The following NREP variants were observed in gnomAD, a reference collection of about 807,000 sequenced individuals.
NREP encodes the protein neuronal regeneration-related protein.
A neutral mutation model predicts 8.6 loss-of-function variants in NREP; 5 were observed. The observed-to-expected ratio is 0.58, with a 90% CI of 0.30 to 1.22. The LOEUF (loss-of-function observed/expected upper bound fraction) is 1.22. NREP is among the 50% of genes most tolerant of loss of function. NREP has a pLI of 0.07. For missense variants in NREP, 86 were observed against 82.5 expected, an observed-to-expected ratio of 1.04 and a Z score of -0.17; for synonymous variants, 27 against 28.0, an observed-to-expected ratio of 0.96 and a Z score of 0.11.
chr5:111,798,049 G>A (rs1002229634), intron 2 of NREP, among the ~76,000 whole-genome samples: 3 of 152,160 alleles, frequency 2.0e-5, no homozygotes, highest in Non-Finnish European at 4.4e-5. Flanking sequence ...TACTGGGAAT[G>A]AATTAGATAG....
chr5:111,798,421 A>G lies in NREP; in HGVS notation c.136-62914T>C, dbSNP rs566526526. On this transcript the variant is annotated intron_variant, in intron 2 of 3. Transcript: ENST00000395634. ...TGGGGAACAGGTGGTATTTGGTTAC[A>G]TAAGTTCTTTAGTGGTGATCTCTGA... 4.3e-4 allele frequency among the ~76,000 whole-genome samples: 65 copies of G among 151,998 alleles called. 1 individual carries two copies. Among genetic ancestry groups the G allele is most frequent in the Non-Finnish European group, 5.7e-4 (39 of 68,014 alleles).
chr5:111,932,877 C>T (rs575558384), intron 2 of NREP, among the ~76,000 whole-genome samples: 5 of 151,970 alleles, frequency 3.3e-5, no homozygotes, highest in African/African-American at 1.2e-4. Context: ...GTGAGTGAAG[C>T]CCCACACTCC....
At chr5:111,900,409 A>C (rs994977552) in intron 2 of NREP, among the ~76,000 whole-genome samples, 2 of 152,040 alleles carry the variant, frequency 1.3e-5, no homozygotes, top group African/African-American at 4.8e-5. Context: ...GAAGAGAAAT[A>C]ATAAAGATCA....
At chr5:111,912,641 A>C (rs1440259573) in intron 2 of NREP, 4 of 152,170 alleles carry the variant, frequency 2.6e-5, no homozygotes, top group Admixed American at 2.0e-4. Flanking sequence ...TTCCATTCTT[A>C]TTAGGCTAAT....
At chr5:111,895,620 G>T (rs1754491716) in intron 2 of NREP, among the ~76,000 whole-genome samples, 2 of 152,010 alleles carry the variant, frequency 1.3e-5, no homozygotes, top group South Asian at 4.2e-4. Flanking sequence ...ACCTTAACTT[G>T]GGTTACTACC....
chr5:111,761,809 G>T (rs527336772), upstream of NREP, among the ~76,000 whole-genome samples: 1 of 152,166 alleles, frequency 6.6e-6, no homozygotes, highest in South Asian at 2.1e-4. Context: ...TCTGATAATG[G>T]GCTAATAAGC....
chr5:111,782,501 C>T (rs1366318021), intron 2 of NREP, among the ~76,000 whole-genome samples: 1 of 152,170 alleles, frequency 6.6e-6, no homozygotes, highest in Non-Finnish European at 1.5e-5. Context: ...TCAAATTAGA[C>T]TCTTACATTT....
At chr5:111,807,497 T>C (rs1405168075) in intron 2 of NREP, among the ~76,000 whole-genome samples, 1 of 152,180 alleles carries the variant, frequency 6.6e-6, no homozygotes, top group Non-Finnish European at 1.5e-5. Context: ...TATATTCTAT[T>C]TTTAAAATTT....
At chr5:111,963,058 C>G (rs1178700053) in intron 2 of NREP, among the ~76,000 whole-genome samples, 1 of 152,260 alleles carries the variant, frequency 6.6e-6, no homozygotes, top group South Asian at 2.1e-4. Flanking sequence ...TGGTGGAGGG[C>G]AGCCGCCCTG....
intron 2 of NREP, among the ~76,000 whole-genome samples, chr5:111,883,934 A>G (rs1754163353): frequency 6.6e-6 from 1 of 152,164 alleles, no homozygotes; most frequent in Admixed American, 6.5e-5. Flanking sequence ...AAGAGCAAAC[A>G]CATTCAAAAG....
intron 2 of NREP, among the ~76,000 whole-genome samples, chr5:111,822,944 A>C (rs1752543715): frequency 6.6e-6 from 1 of 152,222 alleles, no homozygotes; most frequent in Admixed American, 6.5e-5. Context: ...GTTTTAGTCC[A>C]TTTATGTTGC....
At chr5:111,902,201 G>T (rs944029577) in intron 2 of NREP, among the ~76,000 whole-genome samples, 2 of 152,044 alleles carry the variant, frequency 1.3e-5, no homozygotes, top group African/African-American at 4.8e-5. Flanking sequence ...ATTGGAGTAA[G>T]GACCCTCTCT....
At chr5:111,824,907 T>C (rs1236611535) in intron 2 of NREP, among the ~76,000 whole-genome samples, 1 of 152,210 alleles carries the variant, frequency 6.6e-6, no homozygotes, top group Non-Finnish European at 1.5e-5. Flanking sequence ...CATAGGTCTT[T>C]ATGTAAAGTG....
chr5:111,810,069 T>G (rs904999559), intron 2 of NREP, among the ~76,000 whole-genome samples: 1 of 151,868 alleles, frequency 6.6e-6, no homozygotes, highest in African/African-American at 2.4e-5. Flanking sequence ...GGATATTAGT[T>G]AGCCAAATAA....
intron 2 of NREP, among the ~76,000 whole-genome samples, chr5:111,788,197 A>T (rs951655371): frequency 5.3e-5 from 8 of 152,240 alleles, no homozygotes; most frequent in Admixed American, 5.2e-4. Context: ...GCAACCCCTC[A>T]TGGTGTATTC....
At chr5:111,877,882 ACATAGG>A (rs990005378) in intron 2 of NREP, among the ~76,000 whole-genome samples, 104 of 152,358 alleles carry the variant, frequency 6.8e-4, no homozygotes, top group African/African-American at 2.4e-3. Flanking sequence ...CAGGTACCAC[ACATAGG>A]GCCACACTGG....
At chr5:111,763,507 C>T (rs938837133) in intron 2 of NREP, among the ~76,000 whole-genome samples, 6 of 152,152 alleles carry the variant, frequency 3.9e-5, no homozygotes, top group African/African-American at 7.2e-5. Context: ...GTTTGTCCTC[C>T]TGGAGGTGAA....
intron 2 of NREP, among the ~76,000 whole-genome samples, chr5:111,748,742 C>T (rs1440864766): frequency 6.6e-6 from 1 of 152,096 alleles, no homozygotes; most frequent in African/African-American, 2.4e-5. Flanking sequence ...TTCACCATCC[C>T]ACTGGTAGAG....
intron 2 of NREP, among the ~76,000 whole-genome samples, chr5:111,917,304 T>C (rs1294330806): frequency 1.3e-5 from 2 of 152,130 alleles, no homozygotes; most frequent in African/African-American, 4.8e-5. Flanking sequence ...GTACCATTCT[T>C]TCTGAAACTA....
Sources: allele counts gnomAD v4.1 joint callset (sites outside exome capture counted in the v4.1 genomes callset), GRCh38; gene constraint gnomAD v4.1.1; transcripts MANE v1.5; gene names NCBI Gene and HGNC (gene_info 2026-07-23, HGNC 2026-07-21).